Variants in SNAP25 observed in about 807,000 individuals in gnomAD.
SNAP25 encodes the protein synaptosomal-associated protein 25.
In SNAP25, 3 loss-of-function variants were observed where a neutral mutation model predicts 28.7. That is an observed-to-expected ratio of 0.10 (90% CI 0.05 to 0.27). The LOEUF (loss-of-function observed/expected upper bound fraction) is 0.27, where lower values mean the gene tolerates loss of function less well. SNAP25 is among the 10% of genes least tolerant of loss of function. SNAP25 has a pLI of 1.00. For missense variants in SNAP25, 117 were observed against 278.7 expected (o/e 0.42, Z 4.13); for synonymous variants, 61 against 88.1 (o/e 0.69, Z 1.72).
intron 1 of SNAP25, among the ~76,000 whole-genome samples, chr20:10,238,514 C>CA (rs1222294314): frequency 6.6e-6 from 1 of 152,040 alleles, no homozygotes; most frequent in African/African-American, 2.4e-5. Context: ...TTCCAGGTGG[C>CA]AAAAAATATA....
chr20:10,264,882 A>G (rs1487271604), intron 1 of SNAP25, among the ~76,000 whole-genome samples: 1 of 151,430 alleles, frequency 6.6e-6, no homozygotes, highest in Admixed American at 6.6e-5. Context: ...GCAAGCAACT[A>G]AAAAAGATTT....
intron 4 of SNAP25, among the ~76,000 whole-genome samples, chr20:10,290,128 A>G (rs1375796910): frequency 6.6e-6 from 1 of 152,172 alleles, no homozygotes; most frequent in Non-Finnish European, 1.5e-5. Flanking sequence ...TCATCCCAGA[A>G]TGAGATGCTT....
rs184199420 is a variant in SNAP25, at chr20:10,306,446, T to G, written c.*249T>G. On this transcript the variant is annotated 3_prime_UTR_variant, in exon 8 of 8. Coordinates refer to ENST00000254976, the MANE Select transcript of SNAP25 (RefSeq NM_130811.4). ...GCTCTAACTCCTTGAGGTCTTGAGTTTCATTTTTCATTTTCTCTCCTCGGT... is the reference window on the plus strand; with the variant it reads ...GCTCTAACTCCTTGAGGTCTTGAGTGTCATTTTTCATTTTCTCTCCTCGGT... 42 of 371,384 alleles carry G rather than the reference T, an allele frequency of 1.1e-4. No individual in the cohort carries two copies. The East Asian group carries it at 1.6e-3, about 14-fold the overall frequency. 23.0% of individuals were successfully genotyped at this position (371,384 alleles called of 1,614,324 possible). A position where few individuals can be genotyped will look rare whatever the true frequency, so the allele number is the denominator to read the frequency against.
At chr20:10,295,101 G>A (rs192437706) in intron 5 of SNAP25, among the ~76,000 whole-genome samples, 114 of 152,322 alleles carry the variant, frequency 7.5e-4, no homozygotes, top group African/African-American at 2.6e-3. Flanking sequence ...GTTCCCTATT[G>A]TGTGTAAATA....
chr20:10,306,007 C>T (rs2064350494), intron 7 of SNAP25, 122 bp from the exon 8 acceptor site: 1 of 753,252 alleles, frequency 1.3e-6, no homozygotes, highest in Admixed American at 2.1e-5. Context: ...AAAGGATGGC[C>T]CATGCTGACC....
At chr20:10,268,379 G>A (rs991430403) in intron 1 of SNAP25, among the ~76,000 whole-genome samples, 2 of 152,138 alleles carry the variant, frequency 1.3e-5, no homozygotes, top group Admixed American at 6.5e-5. Flanking sequence ...TAATTCAGCT[G>A]ATGGGTGTTG....
intron 1 of SNAP25, among the ~76,000 whole-genome samples, chr20:10,264,858 G>C (rs1204755023): frequency 2.0e-5 from 3 of 151,288 alleles, no homozygotes; most frequent in Admixed American, 6.6e-5. Flanking sequence ...ATGTAACTGG[G>C]AATCTGCATT....
At chr20:10,235,537 G>C (rs368839178) in intron 1 of SNAP25, among the ~76,000 whole-genome samples, 30 of 152,330 alleles carry the variant, frequency 2.0e-4, no homozygotes, top group African/African-American at 6.7e-4. Context: ...AACTAGTCAA[G>C]TAGAGGGAGG....
At chr20:10,287,851 C>T (rs1443419027) in intron 4 of SNAP25, among the ~76,000 whole-genome samples, 1 of 151,990 alleles carries the variant, frequency 6.6e-6, no homozygotes, top group Non-Finnish European at 1.5e-5. Flanking sequence ...GAGTTCGTGT[C>T]CTTTGTAGGG....
intron 1 of SNAP25, among the ~76,000 whole-genome samples, chr20:10,260,902 A>G (rs1229270997): frequency 2.0e-5 from 3 of 152,192 alleles, no homozygotes; most frequent in Admixed American, 2.0e-4. Flanking sequence ...TGAAACACTA[A>G]TAGTAGCTAT....
In SNAP25 at chr20:10,284,676, TTCTC is replaced by T. The variant is rs757285467; in HGVS notation, c.115-42_115-39del. 9 of 1,451,430 alleles carry T rather than the reference TTCTC, an allele frequency of 6.2e-6. No individual in the cohort carries two copies. In the African/African-American group the frequency reaches 1.1e-4, roughly 18 times the overall value. The allele number at this position is 1,451,430 out of a possible 1,614,324, so 89.9% of individuals were successfully genotyped here. A position where few individuals can be genotyped will look rare whatever the true frequency, so the allele number is the denominator to read the frequency against. On this transcript the variant is annotated intron_variant, in intron 3 of 7. Transcript: ENST00000254976. ...CCTTACTGATTTCTCTTTCTCTCTT[TTCTC>T]TCTCTAACTCCTTTTCAACTTTGCT...
intron 3 of SNAP25, among the ~76,000 whole-genome samples, chr20:10,280,279 C>G (rs2063757455): frequency 6.6e-6 from 1 of 152,098 alleles, no homozygotes; most frequent in Admixed American, 6.5e-5. Context: ...ATCAGCATCT[C>G]AAGGATAGTG....
chr20:10,268,061 T>C (rs1290468699), intron 1 of SNAP25, among the ~76,000 whole-genome samples: 2 of 152,182 alleles, frequency 1.3e-5, no homozygotes, highest in African/African-American at 4.8e-5. Flanking sequence ...TGTGTAAAGG[T>C]ATATTTTATA....
At chr20:10,280,667 A>G (rs949796812) in intron 3 of SNAP25, among the ~76,000 whole-genome samples, 1 of 152,218 alleles carries the variant, frequency 6.6e-6, no homozygotes, top group South Asian at 2.1e-4. Context: ...CTGCACATCA[A>G]TGCCTTGGGC....
intron 4 of SNAP25, among the ~76,000 whole-genome samples, chr20:10,287,120 C>G (rs1232904159): frequency 1.3e-5 from 2 of 152,128 alleles, no homozygotes; most frequent in Non-Finnish European, 2.9e-5. Flanking sequence ...ATGTCCAAAA[C>G]ACCAAAAGCA....
intron 7 of SNAP25, among the ~76,000 whole-genome samples, chr20:10,303,266 A>G (rs2064282362): frequency 6.6e-6 from 1 of 152,156 alleles, no homozygotes; most frequent in South Asian, 2.1e-4. Flanking sequence ...CCATTTTCCA[A>G]TTGAGAAACC....
intron 4 of SNAP25, among the ~76,000 whole-genome samples, chr20:10,287,924 C>A (rs559785995): frequency 1.3e-5 from 2 of 152,186 alleles, no homozygotes; most frequent in Admixed American, 6.5e-5. Flanking sequence ...AAATCAAACA[C>A]CGCATATTCT....
At chr20:10,306,041 C>A in intron 7 of SNAP25, 88 bp from the exon 8 acceptor site, 1 of 1,266,500 alleles carries the variant, frequency 7.9e-7, no homozygotes, top group African/African-American at 1.5e-5. Context: ...GTGGTTTCAC[C>A]CAAGAGGAAG....
chr20:10,234,464 T>C (rs1178245122), intron 1 of SNAP25, among the ~76,000 whole-genome samples: 1 of 152,354 alleles, frequency 6.6e-6, no homozygotes, highest in Non-Finnish European at 1.5e-5. Context: ...AAATCGTTAA[T>C]CTGAAATGCC....
Sources: allele counts gnomAD v4.1 joint callset (sites outside exome capture counted in the v4.1 genomes callset), GRCh38; gene constraint gnomAD v4.1.1; transcripts MANE v1.5; gene names NCBI Gene and HGNC (gene_info 2026-07-23, HGNC 2026-07-21).